The following RAPGEF6 variants were observed in gnomAD, a reference collection of about 807,000 sequenced individuals.
RAPGEF6 encodes the protein Rap guanine nucleotide exchange factor 6.
A neutral mutation model predicts 171.4 loss-of-function variants in RAPGEF6; 56 were observed. That is an observed-to-expected ratio of 0.33 (90% confidence interval 0.26 to 0.41). The LOEUF (loss-of-function observed/expected upper bound fraction) is 0.41. Ranked by LOEUF, RAPGEF6 falls within the 10% of genes least tolerant of loss-of-function variation. The pLI is 1.00. For missense variants in RAPGEF6, 1,674 were observed against 1,921.4 expected, an observed-to-expected ratio of 0.87 and a Z score of 2.41; for synonymous variants, 692 against 650.1, an observed-to-expected ratio of 1.06 and a Z score of -0.98.
chr5:131,617,272 T>C (rs1765322746), intron 1 of RAPGEF6, among the ~76,000 whole-genome samples: 1 of 141,124 alleles, frequency 7.1e-6, no homozygotes, highest in African/African-American at 2.6e-5. Flanking sequence ...TGGAGATACT[T>C]GGTCTCTAAA....
intron 25 of RAPGEF6, among the ~76,000 whole-genome samples, chr5:131,432,962 ATTTTT>A (rs948630887): frequency 6.7e-6 from 1 of 148,472 alleles, no homozygotes; most frequent in Admixed American, 6.8e-5. Context: ...TTTAGAGTTG[ATTTTT>A]TTTTTTAATT....
chr5:131,455,782 A>G lies in RAPGEF6; in HGVS notation c.3076+19T>C, dbSNP rs751733713. 1.9e-6 allele frequency: 3 copies of G among 1,579,320 alleles called. No homozygotes were observed. Among genetic ancestry groups the G allele is most frequent in the Non-Finnish European group, 2.6e-6 (3 of 1,149,988 alleles). On this transcript the variant is annotated intron_variant, in intron 20 of 27. Transcript: ENST00000509018. ...AGATAAACCATGTGGTAAAACATCA[A>G]TAAATAATGTTTTCATACCTTCATG...
chr5:131,427,665 T>C (rs1751455695), intron 27 of RAPGEF6, among the ~76,000 whole-genome samples: 1 of 152,212 alleles, frequency 6.6e-6, no homozygotes, highest in African/African-American at 2.4e-5. Flanking sequence ...GTTTCAAGTT[T>C]CCATGCATTA....
At chr5:131,465,506 T>C (rs1754273615) in intron 17 of RAPGEF6, among the ~76,000 whole-genome samples, 1 of 152,122 alleles carries the variant, frequency 6.6e-6, no homozygotes, top group Admixed American at 6.5e-5. Context: ...GAATACAGGC[T>C]GGGTATGACT....
At chr5:131,602,224 T>C (rs958362316) in intron 3 of RAPGEF6, among the ~76,000 whole-genome samples, 2 of 152,166 alleles carry the variant, frequency 1.3e-5, no homozygotes, top group African/African-American at 4.8e-5. Flanking sequence ...TAGAAGATGG[T>C]ATAGCCTACT....
At chr5:131,436,047 T>C in intron 24 of RAPGEF6, 1 of 1,537,140 alleles carries the variant, frequency 6.5e-7, no homozygotes, top group Non-Finnish European at 8.7e-7. Context: ...TGGCACTCCC[T>C]TTCTCATCTT....
chr5:131,477,556 C>T (rs1034593605), intron 16 of RAPGEF6, among the ~76,000 whole-genome samples: 1 of 152,168 alleles, frequency 6.6e-6, no homozygotes, highest in Non-Finnish European at 1.5e-5. Context: ...CAGTTTTACA[C>T]CTCTTGCTGT....
At position 131,635,074 on chromosome 5, in the gene RAPGEF6, G is replaced by A. The variant is rs1404990181; in HGVS notation, c.-44C>T. 1.9e-6 allele frequency: 3 copies of A among 1,559,008 alleles called. No homozygotes were observed. The highest frequency in any genetic ancestry group is 2.7e-5 in the African/African-American group (2 of 73,800). On this transcript the variant is annotated 5_prime_UTR_variant, in exon 1 of 28. Transcript: ENST00000509018. ...CCGCAGCCTGCCCTTAGCAGCCCAC[G>A]CCACAGTTCATTCACACTAGGTAGC...
At chr5:131,589,240 C>T (rs1007251443) in intron 4 of RAPGEF6, among the ~76,000 whole-genome samples, 1 of 152,176 alleles carries the variant, frequency 6.6e-6, no homozygotes, top group African/African-American at 2.4e-5. Context: ...GAGATATGAA[C>T]TATAGCCTTG....
At chr5:131,461,679 A>G (rs1753945384) in intron 19 of RAPGEF6, 26 bp downstream of exon 19, 1 of 1,567,386 alleles carries the variant, frequency 6.4e-7, no homozygotes. Flanking sequence ...CCATACAGAC[A>G]TTTGTACCTA....
intron 4 of RAPGEF6, among the ~76,000 whole-genome samples, chr5:131,566,323 A>G (rs1172980677): frequency 1.3e-5 from 2 of 152,122 alleles, no homozygotes; most frequent in African/African-American, 4.8e-5. Flanking sequence ...CTTTTTCTGC[A>G]TTTATTGAAA....
chr5:131,499,697 C>T (rs1226584794), intron 11 of RAPGEF6, among the ~76,000 whole-genome samples: 2 of 149,282 alleles, frequency 1.3e-5, no homozygotes, highest in Non-Finnish European at 3.0e-5. Flanking sequence ...GGTACAAGAA[C>T]AAATACAGAA....
chr5:131,605,595 A>G (rs1764508719), intron 1 of RAPGEF6, among the ~76,000 whole-genome samples: 7 of 152,368 alleles, frequency 4.6e-5, no homozygotes, highest in Admixed American at 4.6e-4. Context: ...TACCAGGGCA[A>G]ACTACTTCCA....
In RAPGEF6 at chr5:131,604,457, T is replaced by G. The variant is rs144756184; in HGVS notation, c.140+166A>C. Among the ~76,000 whole-genome samples the G allele has an allele frequency of 8.3e-4, 126 of 152,178 alleles. 1 individual carries two copies. The East Asian group carries it at 0.023, about 27-fold the overall frequency. ...TCAGTGTTTTTCCCCAACTCCAAAA[T>G]CACCCCTACCAAAATATAAACTCCA... On this transcript the variant is annotated intron_variant, in intron 2 of 27. Transcript: ENST00000509018.
intron 17 of RAPGEF6, among the ~76,000 whole-genome samples, chr5:131,465,480 T>C (rs1293954451): frequency 6.6e-6 from 1 of 152,120 alleles, no homozygotes; most frequent in African/African-American, 2.4e-5. Flanking sequence ...AAAAGTTTCC[T>C]TTTTAAAAAA....
intron 5 of RAPGEF6, among the ~76,000 whole-genome samples, chr5:131,559,966 T>C (rs1365771747): frequency 6.6e-6 from 1 of 151,978 alleles, no homozygotes; most frequent in African/African-American, 2.4e-5. Context: ...CAATCACCAG[T>C]GGAGTTAATC....
chr5:131,623,031 C>A (rs889932797), intron 1 of RAPGEF6, among the ~76,000 whole-genome samples: 1 of 152,160 alleles, frequency 6.6e-6, no homozygotes, highest in Non-Finnish European at 1.5e-5. Context: ...CCTTCTTTAA[C>A]TTTTTAATAA....
At chr5:131,607,283 T>C (rs1423453420) in intron 1 of RAPGEF6, among the ~76,000 whole-genome samples, 1 of 152,156 alleles carries the variant, frequency 6.6e-6, no homozygotes, top group African/African-American at 2.4e-5. Context: ...GAGGTAATAG[T>C]TTCTATTGTA....
rs536718637 is a variant in RAPGEF6, at chr5:131,531,663, G to C, written c.496-10142C>G. 2.6e-5 allele frequency among the ~76,000 whole-genome samples: 4 copies of C among 152,016 alleles called. No individual in the cohort carries two copies. In the East Asian group the frequency reaches 5.8e-4, roughly 22 times the overall value. On this transcript the variant is annotated intron_variant, in intron 6 of 27. Transcript: ENST00000509018. ...ATTATCAACTAATCTTTGTAAAATAGCACAATTCAATTGTAAAATAGCACA... is the reference window on the plus strand; with the variant it reads ...ATTATCAACTAATCTTTGTAAAATACCACAATTCAATTGTAAAATAGCACA...
Sources: allele counts gnomAD v4.1 joint callset (sites outside exome capture counted in the v4.1 genomes callset), GRCh38; gene constraint gnomAD v4.1.1; transcripts MANE v1.5; gene names NCBI Gene and HGNC (gene_info 2026-07-23, HGNC 2026-07-21).